Variants in AGAP1 observed in about 807,000 individuals in gnomAD.
AGAP1 encodes ArfGAP with GTPase domain, ankyrin repeat and PH domain 1, also known as arf-GAP with GTPase, ANK repeat and PH domain-containing protein 1.
AGAP1 carries 29 observed loss-of-function variants against 105.3 expected under a neutral mutation model. The observed-to-expected ratio is 0.28, with a 90% CI of 0.21 to 0.38. The LOEUF (loss-of-function observed/expected upper bound fraction) is 0.38. Among genes scored for constraint, AGAP1 ranks in the 10% least tolerant of loss-of-function variants. The pLI, the probability that AGAP1 is intolerant of heterozygous loss-of-function variation, is 1.00. For synonymous variants in AGAP1, 509 were observed against 485.9 expected (o/e 1.05, Z -0.63); for missense variants, 998 against 1,165.1 (o/e 0.86, Z 2.09).
chr2:235,908,931 C>G lies in AGAP1; in HGVS notation c.1324+25C>G. 1.3e-6 allele frequency: 2 copies of G among 1,594,730 alleles called. No homozygotes were observed. Among genetic ancestry groups the G allele is most frequent in the Non-Finnish European group, 1.7e-6 (2 of 1,165,132 alleles). On this transcript the variant is annotated intron_variant, in intron 11 of 17. Coordinates refer to ENST00000304032, the MANE Select transcript of AGAP1 (RefSeq NM_001037131.3). This position sits in a 1 kb window ranked among gnomAD's most constrained non-coding sequence, Gnocchi z 4.4. ...GGTAAGCTTACAGCAAATGCACTAA[C>G]AAATCAAGTTCAACAGCAACAGGTG... is the stretch of plus-strand genomic sequence containing the variant.
chr2:235,812,752 G>A (rs1047902400), intron 9 of AGAP1, among the ~76,000 whole-genome samples: 6 of 152,232 alleles, frequency 3.9e-5, no homozygotes, highest in African/African-American at 1.2e-4. Context: ...GCCTCTCTGC[G>A]TAGGCAGAGG....
chr2:235,758,411 C>T (rs1396423989), intron 6 of AGAP1, among the ~76,000 whole-genome samples: 1 of 152,102 alleles, frequency 6.6e-6, no homozygotes, highest in East Asian at 1.9e-4. Context: ...TGCTGCCTTC[C>T]CAGAGGTACA....
At chr2:235,510,449 G>A (rs1942023405) in intron 1 of AGAP1, among the ~76,000 whole-genome samples, 1 of 152,164 alleles carries the variant, frequency 6.6e-6, no homozygotes, top group Non-Finnish European at 1.5e-5. Flanking sequence ...TCCTGTGGAT[G>A]GATATTGATG....
intron 12 of AGAP1, among the ~76,000 whole-genome samples, chr2:235,946,672 C>A (rs2053515125): frequency 6.6e-6 from 1 of 152,202 alleles, no homozygotes; most frequent in African/African-American, 2.4e-5. Context: ...GGGGGCCCCT[C>A]CAAGGAGAGG....
At position 235,614,214 on chromosome 2, in the gene AGAP1, T is replaced by C. The variant is rs906345394; in HGVS notation, c.164-94965T>C. ...TTGGAGTCTAGAAGGGATGGTGACA[T>C]TGGCCAGAGTCACCCCATAATCATA... On this transcript the variant is annotated intron_variant, in intron 1 of 17. Coordinates refer to ENST00000304032, the MANE Select transcript of AGAP1 (RefSeq NM_001037131.3). The surrounding 1 kb of genome is among the most constrained non-coding windows in gnomAD (Gnocchi z 4.7). Among the ~76,000 whole-genome samples the C allele has an allele frequency of 6.6e-6, 1 of 152,114 alleles. No individual in the cohort carries two copies. The highest frequency in any genetic ancestry group is 1.5e-5 in the Non-Finnish European group (1 of 68,024).
At position 235,977,362 on chromosome 2, in the gene AGAP1, A is replaced by C. The variant is rs2054903984; in HGVS notation, c.1645+8739A>C. 6.6e-6 allele frequency among the ~76,000 whole-genome samples: 1 copy of C among 151,998 alleles called. No homozygotes were observed. Among genetic ancestry groups the C allele is most frequent in the African/African-American group, 2.4e-5 (1 of 41,368 alleles). On this transcript the variant is annotated intron_variant, in intron 13 of 17. Coordinates refer to ENST00000304032, the MANE Select transcript of AGAP1 (RefSeq NM_001037131.3). The surrounding 1 kb of genome is among the most constrained non-coding windows in gnomAD (Gnocchi z 5.2). Reference sequence around the variant, plus strand: ...TGGACCAAGGTCCTGAAGCCAGAAGAGGGGCTGGTTCTAGCGGCCAGTGCT... The same window carrying C: ...TGGACCAAGGTCCTGAAGCCAGAAGCGGGGCTGGTTCTAGCGGCCAGTGCT...
At chr2:235,743,581 T>C (rs1422303893) in intron 4 of AGAP1, among the ~76,000 whole-genome samples, 2 of 152,196 alleles carry the variant, frequency 1.3e-5, no homozygotes, top group African/African-American at 4.8e-5. Context: ...TCATTTAATT[T>C]TGTATTTATC....
In AGAP1 at chr2:235,901,527, G is replaced by C. The variant is rs1484296762; in HGVS notation, c.1156-7211G>C. 1.3e-5 allele frequency among the ~76,000 whole-genome samples: 2 copies of C among 152,208 alleles called. No homozygotes were observed. The highest frequency in any genetic ancestry group is 2.9e-5 in the Non-Finnish European group (2 of 68,040). On this transcript the variant is annotated intron_variant, in intron 10 of 17. Transcript: ENST00000304032. This position sits in a 1 kb window ranked among gnomAD's most constrained non-coding sequence, Gnocchi z 4.3. ...TACACATGGAGCCAATGGCTGCTTTGCAGACATGAAGCTAGACTAGTGGTT... is the reference window on the plus strand; with the variant it reads ...TACACATGGAGCCAATGGCTGCTTTCCAGACATGAAGCTAGACTAGTGGTT...
intron 1 of AGAP1, among the ~76,000 whole-genome samples, chr2:235,602,716 T>C (rs1341696816): frequency 6.6e-6 from 1 of 152,200 alleles, no homozygotes; most frequent in Non-Finnish European, 1.5e-5. Flanking sequence ...TTTTTCTTTT[T>C]TTTGAGAAGG....
chr2:235,695,584 A>G (rs57735061), intron 1 of AGAP1, among the ~76,000 whole-genome samples: 5,840 of 152,278 alleles, frequency 0.038, 300 homozygotes, highest in African/African-American at 0.11. Context: ...TTTCAAGAAC[A>G]GACAGCTTTT....
At chr2:235,913,304 G>A (rs2051711389) in intron 11 of AGAP1, among the ~76,000 whole-genome samples, 1 of 152,092 alleles carries the variant, frequency 6.6e-6, no homozygotes, top group Non-Finnish European at 1.5e-5. Flanking sequence ...ATATCTGTGT[G>A]TATGTGTGTG....
At chr2:235,526,547 A>G (rs1044348022) in intron 1 of AGAP1, among the ~76,000 whole-genome samples, 6 of 152,384 alleles carry the variant, frequency 3.9e-5, no homozygotes, top group South Asian at 4.1e-4. Flanking sequence ...ATCTCATTAC[A>G]TAAAAAGATT....
At chr2:236,086,506 C>T (rs1219804890) in intron 16 of AGAP1, among the ~76,000 whole-genome samples, 1 of 152,150 alleles carries the variant, frequency 6.6e-6, no homozygotes, top group Non-Finnish European at 1.5e-5. Context: ...AGAAATACTG[C>T]CCATTTAAAG....
At chr2:235,684,366 C>G (rs184002451) in intron 1 of AGAP1, among the ~76,000 whole-genome samples, 3 of 152,246 alleles carry the variant, frequency 2.0e-5, no homozygotes, top group Admixed American at 1.3e-4. Context: ...AAGGCAATCA[C>G]GAGACCCAGC....
Position 236,114,278 on chromosome 2 carries a change from G to A in AGAP1, c.2115-5914G>A, listed in dbSNP as rs997335510. 4.6e-5 allele frequency among the ~76,000 whole-genome samples: 7 copies of A among 152,126 alleles called. No homozygotes were observed. The South Asian group carries it at 8.3e-4, about 18-fold the overall frequency. ...CCAGGGATCCCAGAAGTAGAATTGC[G>A]GCCTCCGAGTGACCATTTGAGTCTG... On this transcript the variant is annotated intron_variant, in intron 16 of 17. Coordinates refer to ENST00000304032, the MANE Select transcript of AGAP1 (RefSeq NM_001037131.3). The surrounding 1 kb of genome is among the most constrained non-coding windows in gnomAD (Gnocchi z 5.0).
intron 16 of AGAP1, among the ~76,000 whole-genome samples, chr2:236,102,226 G>C (rs1028619953): frequency 1.3e-5 from 2 of 152,054 alleles, no homozygotes; most frequent in African/African-American, 4.8e-5. Context: ...GACCATCCTG[G>C]CTAACACGGT....
chr2:236,110,393 C>A (rs993665266), intron 16 of AGAP1, among the ~76,000 whole-genome samples: 5 of 145,158 alleles, frequency 3.4e-5, no homozygotes, highest in African/African-American at 5.1e-5. Context: ...CCCTTCTCTA[C>A]AAAAAAAAAA....
chr2:235,503,661 T>G (rs1326544752), intron 1 of AGAP1, among the ~76,000 whole-genome samples: 1 of 152,152 alleles, frequency 6.6e-6, no homozygotes, highest in Non-Finnish European at 1.5e-5. Flanking sequence ...GTGGCACTAT[T>G]GGGGCTCATT....
intron 1 of AGAP1, among the ~76,000 whole-genome samples, chr2:235,679,839 G>A (rs145551289): frequency 1.6e-4 from 24 of 152,356 alleles, no homozygotes; most frequent in South Asian, 1.0e-3. Context: ...GAGTAAGAAA[G>A]CACTGACACA....
Sources: allele counts gnomAD v4.1 joint callset (sites outside exome capture counted in the v4.1 genomes callset), GRCh38; gene constraint gnomAD v4.1.1; non-coding constraint Gnocchi (gnomAD v3.1); transcripts MANE v1.5; gene names NCBI Gene and HGNC (gene_info 2026-07-23, HGNC 2026-07-21).